The following FAM162A variants were observed in gnomAD, a reference collection of about 807,000 sequenced individuals.
FAM162A encodes the protein family with sequence similarity 162 member A, also known as protein FAM162A.
Under a neutral mutation model 21.8 loss-of-function variants are expected in FAM162A, and 23 were observed. The observed-to-expected ratio is 1.05, with a 90% confidence interval of 0.76 to 1.49. FAM162A has a LOEUF of 1.49. Among genes scored for constraint, FAM162A ranks in the 40% most tolerant of loss-of-function variants. FAM162A has a pLI of 0.00. For missense variants in FAM162A, 165 were observed against 186.4 expected, an observed-to-expected ratio of 0.89 and a Z score of 0.67; for synonymous variants, 53 against 61.3, an observed-to-expected ratio of 0.86 and a Z score of 0.64.
At chr3:122,403,685 A>T (rs962197750) in intron 2 of FAM162A, among the ~76,000 whole-genome samples, 1 of 152,120 alleles carries the variant, frequency 6.6e-6, no homozygotes, top group African/African-American at 2.4e-5. Flanking sequence ...TGTCTTAGTC[A>T]TCCAAGTTTG....
At chr3:122,388,243 A>C (rs980616273) in intron 1 of FAM162A, among the ~76,000 whole-genome samples, 3 of 152,226 alleles carry the variant, frequency 2.0e-5, no homozygotes, top group Non-Finnish European at 2.9e-5. Context: ...GAAGGACTTA[A>C]AGACAAGTTT....
chr3:122,404,178 A>T, intron 2 of FAM162A, 80 bp from the exon 3 acceptor site: 1 of 565,036 alleles, frequency 1.8e-6, no homozygotes, highest in Non-Finnish European at 3.1e-6. Flanking sequence ...GTTAAAAAGC[A>T]CTAATACCAT....
chr3:122,408,575 A>G, intron 4 of FAM162A, among the ~76,000 whole-genome samples: 1 of 152,154 alleles, frequency 6.6e-6, no homozygotes, highest in East Asian at 1.9e-4. Context: ...CGAAGGGGCA[A>G]ATGTGCTGAG....
At chr3:122,406,090 C>T (rs1314911886) in intron 3 of FAM162A, among the ~76,000 whole-genome samples, 1 of 152,148 alleles carries the variant, frequency 6.6e-6, no homozygotes, top group African/African-American at 2.4e-5. Context: ...AAAGTACTCC[C>T]CTCCCCAATT....
rs533695453 is a variant in FAM162A, at chr3:122,409,380, A to G, written c.373-359A>G. ...GAAATGGCAGCAACAGAGAAAAGTG[A>G]AAGAAGAAAAACGGGATAGAAATGG... is the stretch of plus-strand genomic sequence containing the variant. On this transcript the variant is annotated intron_variant, in intron 4 of 4. Transcript: ENST00000477892. Among the ~76,000 whole-genome samples the G allele has an allele frequency of 3.9e-5, 6 of 152,314 alleles. No homozygotes were observed. The South Asian group carries it at 1.2e-3, about 32-fold the overall frequency.
intron 1 of FAM162A, among the ~76,000 whole-genome samples, chr3:122,389,426 GATAGATA>G (rs2075590293): frequency 6.6e-6 from 1 of 151,222 alleles, no homozygotes; most frequent in African/African-American, 2.4e-5. Context: ...TAGATAGATA[GATAGATA>G]GATGAGATAG....
intron 1 of FAM162A, among the ~76,000 whole-genome samples, chr3:122,391,871 A>T (rs1317322915): frequency 6.6e-6 from 1 of 152,254 alleles, no homozygotes; most frequent in Non-Finnish European, 1.5e-5. Flanking sequence ...AAAATTTCAT[A>T]CACAGCCCAT....
intron 4 of FAM162A, among the ~76,000 whole-genome samples, chr3:122,409,085 T>C (rs1243747112): frequency 2.7e-5 from 4 of 147,754 alleles, no homozygotes; most frequent in Non-Finnish European, 1.5e-5. Context: ...AAATATCAGC[T>C]TAGGGTGCTA....
Position 122,404,324 on chromosome 3 carries a change from G to A in FAM162A, c.224G>A (p.Gly75Asp), listed in dbSNP as rs779234341. The A allele has an allele frequency of 1.9e-6, 3 of 1,607,480 alleles. No individual in the cohort carries two copies. The highest frequency in any genetic ancestry group is 1.7e-6 in the Non-Finnish European group (2 of 1,177,032). Residue 75 changes from glycine to aspartate, a missense_variant, in exon 3 of 5, where the codon GGT becomes GAT. By Grantham distance (94) the Gly-to-Asp change is moderately conservative. Coordinates refer to ENST00000477892, the MANE Select transcript of FAM162A (RefSeq NM_014367.4). Reference sequence around the variant, plus strand: ...CAGAAAAAGATCCTCATATGGTCAGGTCGCTTCAAAAAGGAAGATGAAATC... The same window carrying A: ...CAGAAAAAGATCCTCATATGGTCAGATCGCTTCAAAAAGGAAGATGAAATC... ...DWQKKILIWSGRFKKEDEIPE... is the reference protein window; with the variant it reads ...DWQKKILIWSDRFKKEDEIPE...
intron 2 of FAM162A, among the ~76,000 whole-genome samples, 173 bp from the exon 3 acceptor site, chr3:122,404,085 G>A (rs1027033441): frequency 6.6e-6 from 1 of 152,084 alleles, no homozygotes; most frequent in African/African-American, 2.4e-5. Flanking sequence ...AATCTTATTT[G>A]GAAAATGAAG....
At chr3:122,396,526 C>T (rs1371450010) in intron 1 of FAM162A, among the ~76,000 whole-genome samples, 1 of 151,956 alleles carries the variant, frequency 6.6e-6, no homozygotes, top group Non-Finnish European at 1.5e-5. Context: ...AAATTGGATC[C>T]CTCATATATG....
intron 1 of FAM162A, among the ~76,000 whole-genome samples, chr3:122,399,981 G>A (rs1053707861): frequency 1.3e-5 from 2 of 152,102 alleles, no homozygotes; most frequent in East Asian, 3.9e-4. Flanking sequence ...GCAGACGCCT[G>A]TAATCCCAGC....
intron 3 of FAM162A, among the ~76,000 whole-genome samples, chr3:122,404,696 T>C (rs1157241269): frequency 6.6e-6 from 1 of 152,218 alleles, no homozygotes; most frequent in Non-Finnish European, 1.5e-5. Flanking sequence ...CCATTGACAA[T>C]GACTGTATTC....
chr3:122,408,220 A>G (rs2075685750), intron 4 of FAM162A, among the ~76,000 whole-genome samples: 1 of 152,230 alleles, frequency 6.6e-6, no homozygotes, highest in African/African-American at 2.4e-5. Context: ...TCCCAAACTC[A>G]CACAGCTAAC....
chr3:122,399,108 A>G (rs2075642100), intron 1 of FAM162A, among the ~76,000 whole-genome samples: 1 of 151,932 alleles, frequency 6.6e-6, no homozygotes, highest in Non-Finnish European at 1.5e-5. Flanking sequence ...GGTAGGCCCC[A>G]ATGTTTGTTG....
chr3:122,397,228 G>A (rs1213674964), intron 1 of FAM162A, among the ~76,000 whole-genome samples: 1 of 151,848 alleles, frequency 6.6e-6, no homozygotes, highest in Non-Finnish European at 1.5e-5. Context: ...AGCAAGGGGG[G>A]AAAAGTAAGG....
chr3:122,403,070 C>T (rs958918394), intron 2 of FAM162A, among the ~76,000 whole-genome samples, 188 bp downstream of exon 2: 4 of 151,828 alleles, frequency 2.6e-5, no homozygotes, highest in African/African-American at 9.7e-5. Context: ...CTGAGGGAGG[C>T]CCATGTTCCT....
Position 122,384,182 on chromosome 3 carries a change from A to C in FAM162A, c.-84A>C. 2.0e-6 allele frequency: 3 copies of C among 1,530,276 alleles called. No individual in the cohort carries two copies. The highest frequency in any genetic ancestry group is 3.9e-5 in the Admixed American group (2 of 50,864). 94.8% of individuals were successfully genotyped at this position (1,530,276 alleles called of 1,614,324 possible). A position where few individuals can be genotyped will look rare whatever the true frequency, so the allele number is the denominator to read the frequency against. On this transcript the variant is annotated 5_prime_UTR_variant, in exon 1 of 5. Transcript: ENST00000477892. ...CCCCGGCGCCGCCTGCGTCCTTCCC[A>C]CTCCAACGCTGGGTGACATTGAGCT...
chr3:122,385,736 T>C (rs2075571876), intron 1 of FAM162A, among the ~76,000 whole-genome samples: 1 of 152,262 alleles, frequency 6.6e-6, no homozygotes, highest in African/African-American at 2.4e-5. Flanking sequence ...TTTATTTTAC[T>C]TCAGATATAA....
Sources: gnomAD v4.1 joint callset for allele counts (sites outside exome capture counted in the v4.1 genomes callset) on GRCh38, gnomAD v4.1.1 for gene constraint, MANE v1.5 for transcripts, NCBI Gene and HGNC (gene_info 2026-07-23, HGNC 2026-07-21) for gene names.